RB1: variants seen among roughly 807,000 people sequenced by gnomAD.
The protein encoded by RB1 is RB transcriptional corepressor 1, also known as retinoblastoma-associated protein.
In RB1, 18 loss-of-function variants were observed where a neutral mutation model predicts 135.4. The observed-to-expected ratio is 0.13, with a 90% CI of 0.09 to 0.20. The LOEUF (loss-of-function observed/expected upper bound fraction) is 0.20. RB1 is among the 10% of genes least tolerant of loss of function. The probability of loss-of-function intolerance (pLI) is 1.00; values close to 1 mark genes in which losing one functional copy is unlikely to be tolerated. For missense variants in RB1, 868 were observed against 1,110.0 expected, an observed-to-expected ratio of 0.78 and a Z score of 3.10; for synonymous variants, 365 against 373.2, an observed-to-expected ratio of 0.98 and a Z score of 0.25.
chr13:48,376,816 A>AT, intron 12 of RB1, 102 bp from the exon 13 acceptor site: 3 of 1,565,300 alleles, frequency 1.9e-6, no homozygotes, highest in African/African-American at 1.4e-5. Flanking sequence ...GTGTTTCCAC[A>AT]TTTTTATGAA....
chr13:48,306,591 C>T (rs1952082649), intron 1 of RB1, among the ~76,000 whole-genome samples: 1 of 152,152 alleles, frequency 6.6e-6, no homozygotes, highest in Non-Finnish European at 1.5e-5. Context: ...TAAATGTCTA[C>T]TTTTACAGAT....
At chr13:48,389,764 C>T (rs915949724) in intron 17 of RB1, 3 of 152,280 alleles carry the variant, frequency 2.0e-5, no homozygotes, top group African/African-American at 7.2e-5. Context: ...CTCTTCCTCC[C>T]ATCCTCCCTC....
intron 2 of RB1, among the ~76,000 whole-genome samples, chr13:48,311,799 G>A (rs1014682757): frequency 6.6e-6 from 1 of 152,112 alleles, no homozygotes; most frequent in Admixed American, 6.5e-5. Flanking sequence ...TCTGCCTCCC[G>A]GGTCCAAGCG....
At chr13:48,382,207 A>G (rs1014273284) in intron 17 of RB1, among the ~76,000 whole-genome samples, 1 of 152,162 alleles carries the variant, frequency 6.6e-6, no homozygotes, top group Non-Finnish European at 1.5e-5. Context: ...ATGATTTATA[A>G]TCCTTTGGGT....
intron 17 of RB1, among the ~76,000 whole-genome samples, chr13:48,397,095 C>T (rs375105): frequency 0.21 from 31,622 of 152,110 alleles, 3,454 homozygotes; most frequent in South Asian, 0.26. Flanking sequence ...GGCGATTCCT[C>T]AAGGATCTAG....
At chr13:48,317,304 G>A (rs35850576) in intron 2 of RB1, 1 of 397,398 alleles carries the variant, frequency 2.5e-6, no homozygotes, top group Non-Finnish European at 4.5e-6. Context: ...GCAGGCCCCA[G>A]GCGGGGCCCT....
intron 17 of RB1, chr13:48,412,134 T>C: frequency 6.2e-7 from 1 of 1,613,878 alleles, no homozygotes; most frequent in Non-Finnish European, 8.5e-7. Flanking sequence ...CATGTTGGTA[T>C]AAAACAGCAT....
intron 17 of RB1, among the ~76,000 whole-genome samples, chr13:48,438,434 A>C (rs752901419): frequency 1.3e-5 from 2 of 152,112 alleles, no homozygotes; most frequent in Non-Finnish European, 2.9e-5. Flanking sequence ...AATCTCTTCC[A>C]AGAAGTTTTC....
chr13:48,328,632 G>C (rs1021596605), intron 2 of RB1: 3 of 577,262 alleles, frequency 5.2e-6, no homozygotes, highest in Non-Finnish European at 9.4e-6. Context: ...TAAATAATTA[G>C]ATATAGAAAA....
chr13:48,316,619 A>G (rs1952185235), intron 2 of RB1, among the ~76,000 whole-genome samples: 1 of 152,118 alleles, frequency 6.6e-6, no homozygotes, highest in African/African-American at 2.4e-5. Context: ...ATTTACCAGG[A>G]CACATCTGTT....
At chr13:48,306,459 C>T (rs1034796695) in intron 1 of RB1, among the ~76,000 whole-genome samples, 2 of 152,150 alleles carry the variant, frequency 1.3e-5, no homozygotes, top group African/African-American at 4.8e-5. Flanking sequence ...AATTGGCAGT[C>T]TAGAATAGTG....
chr13:48,326,945 A>T (rs1210267090), intron 2 of RB1, among the ~76,000 whole-genome samples: 1 of 152,170 alleles, frequency 6.6e-6, no homozygotes, highest in African/African-American at 2.4e-5. Context: ...GTGTGGTGAG[A>T]TTCCAAAAAA....
intron 17 of RB1, among the ~76,000 whole-genome samples, chr13:48,393,036 C>A (rs1948622859): frequency 6.6e-6 from 1 of 152,104 alleles, no homozygotes; most frequent in Non-Finnish European, 1.5e-5. Flanking sequence ...AGGCATTGCT[C>A]TTCTGAGTAC....
intron 17 of RB1, among the ~76,000 whole-genome samples, chr13:48,414,207 G>A (rs970114026): frequency 5.3e-5 from 8 of 151,880 alleles, no homozygotes; most frequent in African/African-American, 1.9e-4. Flanking sequence ...ACTAGCCTAG[G>A]GCAATAGTGC....
intron 17 of RB1, among the ~76,000 whole-genome samples, chr13:48,382,018 C>T (rs1948540197): frequency 6.6e-6 from 1 of 152,192 alleles, no homozygotes. Context: ...CTACAAAGGA[C>T]ATGAACTCAT....
At chr13:48,364,771 A>T (rs1952677946) in intron 8 of RB1, 123 bp from the exon 9 acceptor site, 2 of 1,133,266 alleles carry the variant, frequency 1.8e-6, no homozygotes, top group African/African-American at 1.6e-5. Flanking sequence ...TAAAAAAGTT[A>T]TACACAGATT....
intron 2 of RB1, among the ~76,000 whole-genome samples, chr13:48,337,892 C>T (rs2138077002): frequency 6.6e-6 from 1 of 152,298 alleles, no homozygotes; most frequent in South Asian, 2.1e-4. Flanking sequence ...CAAAATGTCT[C>T]AGCATTTGTT....
chr13:48,462,897 T>G (rs75212750), intron 20 of RB1, among the ~76,000 whole-genome samples: 5,229 of 152,148 alleles, frequency 0.034, 119 homozygotes, highest in Middle Eastern at 0.075. Context: ...TGTAAATATA[T>G]AAGTATTTAT....
intron 7 of RB1, among the ~76,000 whole-genome samples, chr13:48,362,073 G>A (rs1295522402): frequency 1.3e-5 from 2 of 150,878 alleles, no homozygotes; most frequent in African/African-American, 4.9e-5. Context: ...TCAGCCTCCC[G>A]AGTAGCTGGG....
Sources: allele counts gnomAD v4.1 joint callset (sites outside exome capture counted in the v4.1 genomes callset), GRCh38; gene constraint gnomAD v4.1.1; transcripts MANE v1.5; gene names NCBI Gene and HGNC (gene_info 2026-07-23, HGNC 2026-07-21).